The following WDR70 variants were observed in gnomAD, a reference collection of about 807,000 sequenced individuals.
WDR70 encodes the protein WD repeat-containing protein 70.
A neutral mutation model predicts 88.6 loss-of-function variants in WDR70; 53 were observed. That is an observed-to-expected ratio of 0.60 (90% CI 0.48 to 0.75). The LOEUF (loss-of-function observed/expected upper bound fraction) is 0.75. WDR70 is among the 30% of genes least tolerant of loss of function. The pLI, the probability that WDR70 is intolerant of heterozygous loss-of-function variation, is 0.00. For missense variants in WDR70, 610 were observed against 823.2 expected (o/e 0.74, Z 3.17); for synonymous variants, 280 against 270.0 (o/e 1.04, Z -0.36).
At chr5:37,406,056 G>C (rs1160506630) in intron 5 of WDR70, among the ~76,000 whole-genome samples, 1 of 152,052 alleles carries the variant, frequency 6.6e-6, no homozygotes, top group Non-Finnish European at 1.5e-5. Flanking sequence ...AACAAAAAAG[G>C]ATTTAATGAA....
chr5:37,454,400 T>G (rs1738771020), intron 7 of WDR70, among the ~76,000 whole-genome samples: 1 of 152,200 alleles, frequency 6.6e-6, no homozygotes, highest in Non-Finnish European at 1.5e-5. Flanking sequence ...TCATTTTATA[T>G]TAAAAGTGAT....
At chr5:37,713,043 C>G (rs2112681032) in intron 13 of WDR70, among the ~76,000 whole-genome samples, 1 of 152,266 alleles carries the variant, frequency 6.6e-6, no homozygotes, top group East Asian at 1.9e-4. Context: ...CTAGCAGATT[C>G]TTGATTCAGA....
intron 9 of WDR70, among the ~76,000 whole-genome samples, chr5:37,523,891 TC>T (rs1741176490): frequency 6.6e-6 from 1 of 152,030 alleles, no homozygotes; most frequent in African/African-American, 2.4e-5. Flanking sequence ...TGATTGAAGA[TC>T]AAATGAATGA....
At chr5:37,582,515 AG>A (rs1330052303) in intron 9 of WDR70, among the ~76,000 whole-genome samples, 1 of 152,224 alleles carries the variant, frequency 6.6e-6, no homozygotes, top group Non-Finnish European at 1.5e-5. Context: ...TTAAAGTAGA[AG>A]GGTATGCTTT....
At chr5:37,672,488 T>C (rs372432003) in intron 10 of WDR70, among the ~76,000 whole-genome samples, 50 of 152,278 alleles carry the variant, frequency 3.3e-4, no homozygotes, top group African/African-American at 9.9e-4. Flanking sequence ...AGGCGAGATA[T>C]GCTGGCGGCA....
At chr5:37,557,961 T>TGAAAACTCTTCCAAAGA (rs1176435994) in intron 9 of WDR70, among the ~76,000 whole-genome samples, 2 of 148,280 alleles carry the variant, frequency 1.3e-5, no homozygotes, top group African/African-American at 2.5e-5. Flanking sequence ...AAGAGTATTA[T>TGAAAACTCTTCCAAAGA]GTATATTTAT....
chr5:37,471,363 G>A lies in WDR70; in HGVS notation c.687-8471G>A, dbSNP rs917711932. Reference sequence around the variant, plus strand: ...TGGCTTTATTTTGAATTTTTGTGATGCATGATGAGATTAGACAACTTCTCA... The same window carrying A: ...TGGCTTTATTTTGAATTTTTGTGATACATGATGAGATTAGACAACTTCTCA... On this transcript the variant is annotated intron_variant, in intron 7 of 17. Coordinates refer to ENST00000265107, the MANE Select transcript of WDR70 (RefSeq NM_018034.4). Among the ~76,000 whole-genome samples, 30 of 151,628 alleles carry A rather than the reference G, an allele frequency of 2.0e-4. 1 individual carries two copies. Among genetic ancestry groups the A allele is most frequent in the African/African-American group, 7.1e-4 (29 of 41,128 alleles).
At chr5:37,392,445 A>T (rs890320257) in intron 4 of WDR70, among the ~76,000 whole-genome samples, 1 of 151,730 alleles carries the variant, frequency 6.6e-6, no homozygotes, top group South Asian at 2.1e-4. Context: ...CAGCCTCCCA[A>T]AGTGCTGGGA....
intron 5 of WDR70, among the ~76,000 whole-genome samples, chr5:37,434,249 T>A (rs532520014): frequency 5.9e-5 from 9 of 152,226 alleles, no homozygotes; most frequent in African/African-American, 1.9e-4. Context: ...ATGGGGAAAC[T>A]GCCCCCATGA....
intron 8 of WDR70, among the ~76,000 whole-genome samples, chr5:37,503,300 G>A (rs1740458145): frequency 6.6e-6 from 1 of 151,644 alleles, no homozygotes; most frequent in African/African-American, 2.4e-5. Context: ...TGTACAGGAT[G>A]TGCAGGTTTG....
chr5:37,584,267 C>T (rs1743303016), intron 9 of WDR70, among the ~76,000 whole-genome samples: 1 of 152,166 alleles, frequency 6.6e-6, no homozygotes, highest in Non-Finnish European at 1.5e-5. Flanking sequence ...TATTCAGATT[C>T]TTAGTCCGGT....
Position 37,722,886 on chromosome 5 carries a change from C to T in WDR70, c.1549C>T (p.Arg517Trp), listed in dbSNP as rs776851427. 2.8e-5 allele frequency: 45 copies of T among 1,613,436 alleles called. No homozygotes were observed. The highest frequency in any genetic ancestry group is 3.4e-5 in the Non-Finnish European group (40 of 1,179,646). Residue 517 changes from arginine (R) to tryptophan (W), a missense_variant, in exon 15 of 18, where the codon CGG becomes TGG. By Grantham distance (101) the Arg-to-Trp change is moderately radical (BLOSUM62 -3). Coordinates refer to ENST00000265107, the MANE Select transcript of WDR70 (RefSeq NM_018034.4). ...AAAATTATGTGTGGTTAAAACCCAG[C>T]GGAAGGCAAAACAAGCTGAGACTCT... ...GAKLCVVKTQ[R>W]KAKQAETLTQ...
At chr5:37,494,293 T>C (rs1740151365) in intron 8 of WDR70, among the ~76,000 whole-genome samples, 1 of 152,186 alleles carries the variant, frequency 6.6e-6, no homozygotes, top group Non-Finnish European at 1.5e-5. Flanking sequence ...TGTAAAGACA[T>C]AGAACAGCTG....
At chr5:37,467,599 C>A (rs896671822) in intron 7 of WDR70, among the ~76,000 whole-genome samples, 4 of 151,218 alleles carry the variant, frequency 2.6e-5, no homozygotes, top group African/African-American at 9.7e-5. Context: ...TGCAGTGGCA[C>A]AATCTTGGCT....
chr5:37,694,042 T>A (rs947080669), intron 10 of WDR70, among the ~76,000 whole-genome samples: 1 of 151,782 alleles, frequency 6.6e-6, no homozygotes, highest in Admixed American at 6.6e-5. Context: ...GCAGTGGATA[T>A]GAACAGACAC....
intron 15 of WDR70, chr5:37,724,641 G>A (rs1581528681): frequency 3.4e-6 from 1 of 297,078 alleles, no homozygotes; most frequent in Middle Eastern, 1.0e-3. Flanking sequence ...CAAAACCACG[G>A]TAATTAAGTT....
intron 10 of WDR70, among the ~76,000 whole-genome samples, chr5:37,684,738 A>G (rs1469261107): frequency 6.6e-6 from 1 of 152,166 alleles, no homozygotes; most frequent in East Asian, 1.9e-4. Flanking sequence ...TGTCAGCAAA[A>G]GCATTTTGTA....
At chr5:37,437,845 T>C in intron 5 of WDR70, 77 bp from the exon 6 acceptor site, 1 of 1,371,074 alleles carries the variant, frequency 7.3e-7, no homozygotes, top group Non-Finnish European at 9.9e-7. Flanking sequence ...AAAATTGTAT[T>C]TCCTGTGAAA....
At chr5:37,502,315 G>T (rs1021293214) in intron 8 of WDR70, among the ~76,000 whole-genome samples, 1 of 152,044 alleles carries the variant, frequency 6.6e-6, no homozygotes, top group African/African-American at 2.4e-5. Flanking sequence ...GTATTATGAT[G>T]AATAGAAGTG....
Sources: gnomAD v4.1 joint callset for allele counts (sites outside exome capture counted in the v4.1 genomes callset) on GRCh38, gnomAD v4.1.1 for gene constraint, MANE v1.5 for transcripts, NCBI Gene and HGNC (gene_info 2026-07-23, HGNC 2026-07-21) for gene names.